Variants in RPS6KA2 observed in about 807,000 individuals in gnomAD.
The protein encoded by RPS6KA2 is ribosomal protein S6 kinase alpha-2.
RPS6KA2 carries 42 observed loss-of-function variants against 91.8 expected under a neutral mutation model. The observed-to-expected ratio is 0.46, with a 90% CI of 0.36 to 0.59. The LOEUF is 0.59. RPS6KA2 is among the 20% of genes least tolerant of loss of function. The pLI is 0.00. For synonymous variants in RPS6KA2, 414 were observed against 393.6 expected, an observed-to-expected ratio of 1.05 and a Z score of -0.61; for missense variants, 798 against 978.5, an observed-to-expected ratio of 0.82 and a Z score of 2.46.
At chr6:166,703,044 G>C (rs1384179693) in intron 2 of RPS6KA2, among the ~76,000 whole-genome samples, 1 of 152,126 alleles carries the variant, frequency 6.6e-6, no homozygotes, top group Non-Finnish European at 1.5e-5. Context: ...TTTTAAAAGA[G>C]AAAGAAAAGA....
intron 2 of RPS6KA2, chr6:166,702,111 C>T (rs1789542354): frequency 7.3e-6 from 11 of 1,505,230 alleles, no homozygotes; most frequent in South Asian, 1.1e-5. Flanking sequence ...GACTTCTCAG[C>T]AGCCCCTGCA....
At position 166,635,912 on chromosome 6, in the gene RPS6KA2, C is replaced by G. The variant is rs987509944; in HGVS notation, c.124-97128G>C. On this transcript the variant is annotated intron_variant, in intron 2 of 21. Transcript: ENST00000503859. This position sits in a 1 kb window ranked among gnomAD's most constrained non-coding sequence, Gnocchi z 4.8. ...GTCCACTCCAGGACAAGCCACCAACCCTACTCTAGACCAGGGTGGTCACCT... is the reference window on the plus strand; with the variant it reads ...GTCCACTCCAGGACAAGCCACCAACGCTACTCTAGACCAGGGTGGTCACCT... Among the ~76,000 whole-genome samples the G allele has an allele frequency of 6.6e-6, 1 of 152,192 alleles. No individual in the cohort carries two copies. Among genetic ancestry groups the G allele is most frequent in the Non-Finnish European group, 1.5e-5 (1 of 68,028 alleles).
chr6:166,812,438 T>G (rs1342787832), intron 2 of RPS6KA2, among the ~76,000 whole-genome samples: 1 of 152,002 alleles, frequency 6.6e-6, no homozygotes, highest in Non-Finnish European at 1.5e-5. Context: ...CCCCCTTGCC[T>G]CTCTCTCAAC....
intron 2 of RPS6KA2, among the ~76,000 whole-genome samples, chr6:166,727,331 C>T (rs1243613431): frequency 1.3e-5 from 2 of 152,076 alleles, no homozygotes; most frequent in East Asian, 3.9e-4. Flanking sequence ...CACACACACA[C>T]ACACACACAC....
intron 2 of RPS6KA2, among the ~76,000 whole-genome samples, chr6:166,781,313 A>T (rs1453983549): frequency 6.6e-6 from 1 of 152,246 alleles, no homozygotes; most frequent in Non-Finnish European, 1.5e-5. Flanking sequence ...ATTGTTCAAG[A>T]TGACTTCTTA....
chr6:166,629,606 A>G (rs927332947), upstream of RPS6KA2, among the ~76,000 whole-genome samples: 7 of 152,244 alleles, frequency 4.6e-5, no homozygotes, highest in African/African-American at 1.7e-4. Flanking sequence ...TAGGGTAGGT[A>G]TAATATCAAG....
chr6:166,419,939 T>C lies in RPS6KA2; in HGVS notation c.1763A>G (p.Tyr588Cys), dbSNP rs765840354. Residue 588 changes from tyrosine (Y) to cysteine (C), a missense_variant, in exon 18 of 21, where the codon TAT (tyrosine) becomes TGT (cysteine). Coordinates refer to ENST00000265678, the MANE Select transcript of RPS6KA2 (RefSeq NM_021135.6). The surrounding 1 kb of genome is among the most constrained non-coding windows in gnomAD (Gnocchi z 5.6). Reference sequence around the variant, plus strand: ...ACTCCAGATGTCACACGCCGCATCATAGCCTTGACGCTTCAGGACCTAGGA... The same window carrying C: ...ACTCCAGATGTCACACGCCGCATCACAGCCTTGACGCTTCAGGACCTAGGA... ...VAPEVLKRQG[Y>C]DAACDIWSLG... 5 of 1,613,720 alleles carry C rather than the reference T, an allele frequency of 3.1e-6. No individual in the cohort carries two copies. Among genetic ancestry groups the C allele is most frequent in the South Asian group, 1.1e-5 (1 of 91,082 alleles).
chr6:166,432,560 C>A, intron 14 of RPS6KA2, 70 bp from the exon 15 acceptor site: 1 of 943,176 alleles, frequency 1.1e-6, no homozygotes, highest in Non-Finnish European at 1.7e-6. Flanking sequence ...GCTGGTGGAC[C>A]ATTGAGTTTG....
chr6:166,636,523 C>T (rs1787246163), intron 2 of RPS6KA2, among the ~76,000 whole-genome samples: 2 of 152,238 alleles, frequency 1.3e-5, no homozygotes, highest in South Asian at 2.1e-4. Flanking sequence ...TTCTCCTCCT[C>T]CACATATTTC....
In RPS6KA2 at chr6:166,625,940, T is replaced by G. The variant is rs898381441; in HGVS notation, c.99+981A>C. ...AATGGTTACAGAACCCATGTCTGTG[T>G]CTAATATCATGGCAGCTGGGACAAA... On this transcript the variant is annotated intron_variant, in intron 1 of 20. Coordinates refer to ENST00000265678, the MANE Select transcript of RPS6KA2 (RefSeq NM_021135.6). Among the ~76,000 whole-genome samples the G allele has an allele frequency of 9.2e-5, 14 of 152,328 alleles. No homozygotes were observed. In the East Asian group the frequency reaches 2.7e-3, roughly 29 times the overall value.
rs1187185418 is a variant in RPS6KA2 at position 166,735,690 on chromosome 6, T to C, written c.123+122510A>G. On this transcript the variant is annotated intron_variant, in intron 2 of 21. Transcript: ENST00000503859. The stretch of plus-strand genomic sequence containing the variant: ...GTTCACAATAGGGTTCAAGTTCCTA[T>C]GAGAATCTAATGCTGCTGCTGACCT... 5.9e-5 allele frequency among the ~76,000 whole-genome samples: 9 copies of C among 152,230 alleles called. No individual in the cohort carries two copies. The East Asian group carries it at 1.7e-3, about 29-fold the overall frequency.
chr6:166,412,944 G>A lies in RPS6KA2; in HGVS notation c.2077-57C>T, dbSNP rs758887087. 4.5e-4 allele frequency: 675 copies of A among 1,484,936 alleles called. No individual in the cohort carries two copies. Among genetic ancestry groups the A allele is most frequent in the Non-Finnish European group, 5.6e-4 (627 of 1,111,860 alleles). The allele number at this position is 1,484,936 out of a possible 1,614,324, so 92.0% of individuals were successfully genotyped here. On this transcript the variant is annotated intron_variant, in intron 20 of 20. Transcript: ENST00000265678. This position sits in a 1 kb window ranked among gnomAD's most constrained non-coding sequence, Gnocchi z 4.3. Reference sequence around the variant, plus strand: ...GGCGCCTCACTCCAGGGGTTGAGCCGGAGCCCGGGGCCTCCATGGGCCTCA... The same window carrying A: ...GGCGCCTCACTCCAGGGGTTGAGCCAGAGCCCGGGGCCTCCATGGGCCTCA...
chr6:166,439,882 TC>T (rs1286386240), intron 14 of RPS6KA2: 1 of 152,336 alleles, frequency 6.6e-6, no homozygotes, highest in African/African-American at 2.4e-5. Context: ...CAATCTGGCT[TC>T]CTGCAAGCCT....
chr6:166,608,777 C>A (rs906850854), intron 1 of RPS6KA2, among the ~76,000 whole-genome samples: 1 of 152,028 alleles, frequency 6.6e-6, no homozygotes, highest in African/African-American at 2.4e-5. Flanking sequence ...CCTGGCCCAT[C>A]GTGGATGGTG....
intron 2 of RPS6KA2, among the ~76,000 whole-genome samples, chr6:166,721,513 G>A (rs1012164769): frequency 3.3e-5 from 5 of 152,212 alleles, no homozygotes; most frequent in African/African-American, 1.2e-4. Context: ...AGAAGATCAA[G>A]CTTTCCAAAT....
chr6:166,806,445 G>C (rs971173944), intron 2 of RPS6KA2, among the ~76,000 whole-genome samples: 2 of 152,118 alleles, frequency 1.3e-5, no homozygotes, highest in Non-Finnish European at 2.9e-5. Context: ...CAAAAACTTT[G>C]GTGGCCAGAA....
At chr6:166,683,641 G>A (rs374036796) in intron 2 of RPS6KA2, among the ~76,000 whole-genome samples, 3 of 152,126 alleles carry the variant, frequency 2.0e-5, no homozygotes, top group African/African-American at 4.8e-5. Flanking sequence ...GTGCTTCCCC[G>A]CCAAGGAAAT....
chr6:166,756,821 A>G (rs1286160396), intron 2 of RPS6KA2, among the ~76,000 whole-genome samples: 1 of 152,190 alleles, frequency 6.6e-6, no homozygotes, highest in Non-Finnish European at 1.5e-5. Flanking sequence ...ACTCCAGCCT[A>G]GGCAACAACA....
At chr6:166,455,210 G>C (rs1282733160) in intron 12 of RPS6KA2, among the ~76,000 whole-genome samples, 1 of 152,116 alleles carries the variant, frequency 6.6e-6, no homozygotes, top group African/African-American at 2.4e-5. Context: ...AGGTGTGTGG[G>C]GGTGGGAGGC....
Sources: allele counts gnomAD v4.1 joint callset (sites outside exome capture counted in the v4.1 genomes callset), GRCh38; gene constraint gnomAD v4.1.1; non-coding constraint Gnocchi (gnomAD v3.1); transcripts MANE v1.5; gene names NCBI Gene and HGNC (gene_info 2026-07-23, HGNC 2026-07-21).